DSCAM: variants seen among roughly 807,000 people sequenced by gnomAD.
The protein encoded by DSCAM is DS cell adhesion molecule.
A neutral mutation model predicts 217.7 loss-of-function variants in DSCAM; 47 were observed. The ratio of observed to expected loss-of-function variants is 0.22; its 90% CI spans 0.17 to 0.28. The LOEUF (loss-of-function observed/expected upper bound fraction) is 0.28. Ranked by LOEUF, DSCAM falls within the 10% of genes least tolerant of loss-of-function variation. DSCAM has a pLI of 1.00. For synonymous variants in DSCAM, 1,056 were observed against 1,015.3 expected (o/e 1.04, Z -0.76); for missense variants, 2,080 against 2,618.3 (o/e 0.79, Z 4.49).
At chr21:40,682,923 G>A (rs1232890039) in intron 3 of DSCAM, among the ~76,000 whole-genome samples, 1 of 145,696 alleles carries the variant, frequency 6.9e-6, no homozygotes, top group Non-Finnish European at 1.5e-5. Context: ...GTAATTTGGA[G>A]TATGAAAGTA....
At chr21:40,382,785 T>C (rs2075040278) in intron 3 of DSCAM, among the ~76,000 whole-genome samples, 1 of 152,224 alleles carries the variant, frequency 6.6e-6, no homozygotes, top group Non-Finnish European at 1.5e-5. Flanking sequence ...CCTAAATGAC[T>C]TCCCCAGATC....
Position 40,312,355 on chromosome 21 carries a change from C to T in DSCAM, c.1788G>A (p.Pro596=), listed in dbSNP as rs200014864. The stretch of plus-strand genomic sequence containing the variant: ...GAAACTCAAAGGGTTGTATGAAAGG[C>T]GGAACTGCAAGAAAAAAGAAAGATA... ...SQSVHVTVKV[P]PFIQPFEFPR... Residue 596 remains proline (P), a synonymous_variant, in exon 9 of 33, where the codon CCG becomes CCA. Transcript: ENST00000400454. 7.1e-5 allele frequency: 114 copies of T among 1,612,478 alleles called. No homozygotes were observed. The African/African-American group carries it at 8.9e-4, about 13-fold the overall frequency.
chr21:40,483,965 T>C (rs898891652), intron 3 of DSCAM, among the ~76,000 whole-genome samples: 4 of 152,212 alleles, frequency 2.6e-5, no homozygotes, highest in Non-Finnish European at 5.9e-5. Flanking sequence ...TTCTGAGAGG[T>C]AAGCAATTTT....
chr21:40,731,233 T>A (rs2091007713), intron 1 of DSCAM, among the ~76,000 whole-genome samples: 1 of 152,238 alleles, frequency 6.6e-6, no homozygotes, highest in South Asian at 2.1e-4. Flanking sequence ...TTGTATTTAA[T>A]GTTTTCATTA....
chr21:40,267,229 C>G (rs4818124), intron 11 of DSCAM, among the ~76,000 whole-genome samples: 3,135 of 149,938 alleles, frequency 0.021, 182 homozygotes, highest in East Asian at 0.16. Flanking sequence ...CTGGACACCT[C>G]CTGAAGGACC....
chr21:40,549,208 C>A (rs2146151739), intron 3 of DSCAM, among the ~76,000 whole-genome samples: 1 of 152,240 alleles, frequency 6.6e-6, no homozygotes, highest in South Asian at 2.1e-4. Context: ...TTAAAAATGT[C>A]ATTTATCTTC....
chr21:40,737,870 G>A (rs1439744245), intron 1 of DSCAM, among the ~76,000 whole-genome samples: 1 of 152,166 alleles, frequency 6.6e-6, no homozygotes, highest in Non-Finnish European at 1.5e-5. Flanking sequence ...AAGGTGAGGT[G>A]CAGCCTTACC....
intron 1 of DSCAM, among the ~76,000 whole-genome samples, chr21:40,720,673 A>AG (rs945421508): frequency 4.4e-4 from 67 of 150,942 alleles, no homozygotes; most frequent in African/African-American, 1.5e-3. Context: ...CAGACAGTAC[A>AG]GAAAAAAAAA....
intron 4 of DSCAM, among the ~76,000 whole-genome samples, chr21:40,362,191 G>T (rs2074774529): frequency 6.6e-6 from 1 of 151,988 alleles, no homozygotes; most frequent in Admixed American, 6.6e-5. Flanking sequence ...ATTTGGGTTG[G>T]TTCCAAGTCT....
chr21:40,360,663 T>A (rs976052228), intron 4 of DSCAM, among the ~76,000 whole-genome samples: 5 of 152,164 alleles, frequency 3.3e-5, no homozygotes, highest in Non-Finnish European at 7.4e-5. Flanking sequence ...TTTATGGCTT[T>A]CCAGTATACC....
chr21:40,135,174 G>C (rs938319688), intron 18 of DSCAM, among the ~76,000 whole-genome samples: 2 of 152,198 alleles, frequency 1.3e-5, no homozygotes, highest in Non-Finnish European at 2.9e-5. Context: ...CGACACATTG[G>C]TACCCAGAGC....
chr21:40,210,612 T>A (rs2091172595), intron 11 of DSCAM, among the ~76,000 whole-genome samples: 1 of 152,260 alleles, frequency 6.6e-6, no homozygotes, highest in Non-Finnish European at 1.5e-5. Context: ...TGGCACGATC[T>A]TGGCTCACTG....
intron 30 of DSCAM, among the ~76,000 whole-genome samples, chr21:40,047,475 A>G (rs1034305487): frequency 6.6e-6 from 1 of 152,212 alleles, no homozygotes; most frequent in African/African-American, 2.4e-5. Flanking sequence ...CAGGATATAA[A>G]TAGCTCATGG....
intron 11 of DSCAM, among the ~76,000 whole-genome samples, chr21:40,227,525 CATG>C (rs1207940754): frequency 7.9e-5 from 12 of 152,272 alleles, no homozygotes; most frequent in East Asian, 5.8e-4. Context: ...AAGTTCTTCC[CATG>C]ATATTTCTCA....
chr21:40,234,892 C>T (rs1179434217), intron 11 of DSCAM, among the ~76,000 whole-genome samples: 1 of 152,052 alleles, frequency 6.6e-6, no homozygotes, highest in Admixed American at 6.6e-5. Context: ...TCTTGGTCTC[C>T]GTCTAGCTCC....
intron 29 of DSCAM, among the ~76,000 whole-genome samples, chr21:40,054,514 G>A (rs1485993103): frequency 6.6e-6 from 1 of 152,196 alleles, no homozygotes; most frequent in Non-Finnish European, 1.5e-5. Context: ...TGCCTTCCCG[G>A]CAGGAGGCAG....
At position 40,627,097 on chromosome 21, in the gene DSCAM, C is replaced by T. The variant is rs554618767; in HGVS notation, c.508+65713G>A. ...GAGATACACCGACTGAGGACAGAAGCCATATCTACTTCATGAGCTTTGTGT... is the reference window on the plus strand; with the variant it reads ...GAGATACACCGACTGAGGACAGAAGTCATATCTACTTCATGAGCTTTGTGT... On this transcript the variant is annotated intron_variant, in intron 3 of 32. Coordinates refer to ENST00000400454, the MANE Select transcript of DSCAM (RefSeq NM_001389.5). Among the ~76,000 whole-genome samples the T allele has an allele frequency of 3.7e-4, 56 of 152,308 alleles. 1 individual carries two copies. Among genetic ancestry groups the T allele is most frequent in the Non-Finnish European group, 5.9e-4 (40 of 68,034 alleles).
chr21:40,575,621 T>C (rs772956715), intron 3 of DSCAM, among the ~76,000 whole-genome samples: 6 of 152,208 alleles, frequency 3.9e-5, no homozygotes, highest in Non-Finnish European at 5.9e-5. Flanking sequence ...CTCAACTCCT[T>C]ATGTTAAAAT....
At chr21:40,770,399 T>C (rs1173513912) in intron 1 of DSCAM, among the ~76,000 whole-genome samples, 3 of 152,182 alleles carry the variant, frequency 2.0e-5, no homozygotes, top group Non-Finnish European at 4.4e-5. Context: ...GGCTAGGAAA[T>C]TGGCCAGCTT....
Sources: allele counts gnomAD v4.1 joint callset (sites outside exome capture counted in the v4.1 genomes callset), GRCh38; gene constraint gnomAD v4.1.1; transcripts MANE v1.5; gene names NCBI Gene and HGNC (gene_info 2026-07-23, HGNC 2026-07-21).